Variants in IL20RB observed in about 807,000 individuals in gnomAD.
IL20RB encodes the protein interleukin 20 receptor subunit beta, also known as interleukin-20 receptor subunit beta.
A neutral mutation model predicts 33.3 loss-of-function variants in IL20RB; 21 were observed. The observed-to-expected ratio is 0.63, with a 90% CI of 0.45 to 0.91. The LOEUF is 0.91. Ranked by LOEUF, IL20RB falls within the 40% of genes least tolerant of loss-of-function variation. IL20RB has a pLI of 0.00. For synonymous variants in IL20RB, 147 were observed against 146.8 expected (o/e 1.00, Z -0.01); for missense variants, 345 against 384.8 (o/e 0.90, Z 0.86).
intron 3 of IL20RB, among the ~76,000 whole-genome samples, chr3:136,982,733 C>G (rs1206326723): frequency 6.6e-6 from 1 of 152,172 alleles, no homozygotes; most frequent in African/African-American, 2.4e-5. Flanking sequence ...TGCATATTTA[C>G]TGCCCACGTA....
At position 136,975,326 on chromosome 3, in the gene IL20RB, A is replaced by ATTAATTTATT. The variant is rs1362509809; in HGVS notation, c.89-5138_89-5137insAATTTATTTT. 2.6e-3 allele frequency among the ~76,000 whole-genome samples: 393 copies of ATTAATTTATT among 152,036 alleles called. 4 individuals are homozygous for ATTAATTTATT. The highest frequency in any genetic ancestry group is 8.3e-3 in the African/African-American group (343 of 41,488). ...TCATTGGCTACAGCATTTGGCATTT[A>ATTAATTTATT]TTTATTTATTTTTATTTTTATTTAT... On this transcript the variant is annotated intron_variant, in intron 1 of 6. Transcript: ENST00000329582.
chr3:136,961,772 A>G (rs1337616977), intron 1 of IL20RB, among the ~76,000 whole-genome samples: 1 of 152,230 alleles, frequency 6.6e-6, no homozygotes, highest in East Asian at 1.9e-4. Context: ...ATAAGATGTT[A>G]GCATTCAGGG....
At chr3:137,009,658 G>A (rs1444170246) in intron 6 of IL20RB, among the ~76,000 whole-genome samples, 1 of 152,030 alleles carries the variant, frequency 6.6e-6, no homozygotes, top group South Asian at 2.1e-4. Flanking sequence ...TCCTGCCTCA[G>A]CCTCACGAGT....
intron 1 of IL20RB, among the ~76,000 whole-genome samples, chr3:136,964,537 G>T (rs1941319481): frequency 1.9e-5 from 1 of 52,854 alleles, no homozygotes; most frequent in Non-Finnish European, 3.3e-5. Context: ...TTTTTGATGG[G>T]GTTGTTTGTT....
intron 1 of IL20RB, among the ~76,000 whole-genome samples, chr3:136,963,408 A>C (rs1371924493): frequency 6.6e-6 from 1 of 152,228 alleles, no homozygotes; most frequent in Non-Finnish European, 1.5e-5. Context: ...TCCTACCAAC[A>C]ATGTATAAGT....
In IL20RB at chr3:136,982,149, CTCTT is replaced by C; in HGVS notation, c.216-9_216-6del. ...GGCTGGTGTAACTCTGTGCCCTCCT[CTCTT>C]TGACAGGGAGTACGAGAGCCTGTAC... On this transcript the variant is annotated splice_region_variant and splice_polypyrimidine_tract_variant and intron_variant, in intron 2 of 6. Coordinates refer to ENST00000329582, the MANE Select transcript of IL20RB (RefSeq NM_144717.4). 1 of 1,540,414 alleles carries C rather than the reference CTCTT, an allele frequency of 6.5e-7. No homozygotes were observed. The highest frequency in any genetic ancestry group is 1.8e-5 in the Admixed American group (1 of 55,264).
chr3:136,977,924 A>G (rs1257461178), intron 1 of IL20RB, among the ~76,000 whole-genome samples: 1 of 152,126 alleles, frequency 6.6e-6, no homozygotes, highest in African/African-American at 2.4e-5. Context: ...TACTTCTTTT[A>G]TAATCTATAT....
chr3:136,999,335 A>G (rs1002851378), intron 6 of IL20RB, among the ~76,000 whole-genome samples: 1 of 152,110 alleles, frequency 6.6e-6, no homozygotes, highest in African/African-American at 2.4e-5. Flanking sequence ...GGCTCAAGCA[A>G]TCCTCCTGCT....
intron 6 of IL20RB, among the ~76,000 whole-genome samples, chr3:137,009,841 G>A (rs761103515): frequency 1.3e-5 from 2 of 151,774 alleles, no homozygotes; most frequent in Non-Finnish European, 2.9e-5. Context: ...TTTTTTTTAA[G>A]AACCAGAATT....
At chr3:136,970,477 G>C (rs1051090814) in intron 1 of IL20RB, among the ~76,000 whole-genome samples, 2 of 152,084 alleles carry the variant, frequency 1.3e-5, no homozygotes, top group Non-Finnish European at 2.9e-5. Flanking sequence ...TTTATTTCTG[G>C]AATCTCTATT....
At chr3:136,988,548 T>A (rs1323072572) in intron 3 of IL20RB, among the ~76,000 whole-genome samples, 1 of 152,108 alleles carries the variant, frequency 6.6e-6, no homozygotes, top group Non-Finnish European at 1.5e-5. Flanking sequence ...GAGACCAGCC[T>A]GGGCAATGTG....
intron 6 of IL20RB, among the ~76,000 whole-genome samples, chr3:137,003,317 G>C (rs953187672): frequency 3.3e-5 from 5 of 152,170 alleles, no homozygotes; most frequent in Non-Finnish European, 5.9e-5. Flanking sequence ...AAAGTTATTG[G>C]TAGCTTGATG....
intron 1 of IL20RB, among the ~76,000 whole-genome samples, chr3:136,969,979 A>AT (rs1421841015): frequency 1.3e-5 from 2 of 150,496 alleles, no homozygotes; most frequent in African/African-American, 2.4e-5. Context: ...TATATTTTAC[A>AT]TTTTTTTGCA....
rs770389357 is a variant in IL20RB at position 136,992,047 on chromosome 3, G to T, written c.641G>T (p.Arg214Met). The T allele has an allele frequency of 6.2e-7, 1 of 1,614,084 alleles. No individual in the cohort carries two copies. The highest frequency in any genetic ancestry group is 8.5e-7 in the Non-Finnish European group (1 of 1,180,048). The stretch of plus-strand genomic sequence containing the variant: ...CAGACATTCGTGAAGGCCATTGGGA[G>T]GTACAGCGCCTTCAGCCAGACAGAA... ...KAQTFVKAIGRYSAFSQTECV... is the reference protein window; with the variant it reads ...KAQTFVKAIGMYSAFSQTECV... Residue 214 changes from arginine to methionine, a missense_variant, in exon 5 of 7, where the codon AGG becomes ATG. Physicochemically the swap from Arg to Met is moderately conservative, Grantham distance 91. Transcript: ENST00000329582.
chr3:137,008,954 T>C (rs2107727746), intron 6 of IL20RB, among the ~76,000 whole-genome samples: 1 of 152,348 alleles, frequency 6.6e-6, no homozygotes, highest in East Asian at 1.9e-4. Flanking sequence ...TGATCATGTA[T>C]GACCACTGCA....
chr3:136,999,159 T>C (rs1254418089), intron 6 of IL20RB, among the ~76,000 whole-genome samples: 4 of 152,098 alleles, frequency 2.6e-5, no homozygotes, highest in African/African-American at 9.7e-5. Context: ...TGCAGTGGCA[T>C]GATTATGGCT....
intron 6 of IL20RB, among the ~76,000 whole-genome samples, chr3:136,996,808 G>A (rs899127937): frequency 1.3e-5 from 2 of 152,092 alleles, no homozygotes; most frequent in African/African-American, 2.4e-5. Flanking sequence ...TCTGAATCAC[G>A]AATGGCTTAC....
Position 136,972,129 on chromosome 3 carries a change from A to G in IL20RB, c.89-8337A>G, listed in dbSNP as rs1019450837. ...TTTCATATATCTGTTGGCCATTTGTATATCTTCTTTTGAGAAATGTCTACT... is the reference window on the plus strand; with the variant it reads ...TTTCATATATCTGTTGGCCATTTGTGTATCTTCTTTTGAGAAATGTCTACT... On this transcript the variant is annotated intron_variant, in intron 1 of 6. Coordinates refer to ENST00000329582, the MANE Select transcript of IL20RB (RefSeq NM_144717.4). 3.3e-5 allele frequency among the ~76,000 whole-genome samples: 5 copies of G among 152,278 alleles called. No individual in the cohort carries two copies. The East Asian group carries it at 9.6e-4, about 29-fold the overall frequency.
chr3:137,002,071 A>G (rs987723547), intron 6 of IL20RB, among the ~76,000 whole-genome samples: 1 of 152,138 alleles, frequency 6.6e-6, no homozygotes, highest in Non-Finnish European at 1.5e-5. Context: ...GATGGTTTCC[A>G]GCTTCATCCA....
Sources: gnomAD v4.1 joint callset for allele counts (sites outside exome capture counted in the v4.1 genomes callset) on GRCh38, gnomAD v4.1.1 for gene constraint, MANE v1.5 for transcripts, NCBI Gene and HGNC (gene_info 2026-07-23, HGNC 2026-07-21) for gene names.